Variants in CCDC146 observed in about 807,000 individuals in gnomAD.
CCDC146 encodes the protein coiled-coil domain containing 146.
CCDC146 carries 92 observed loss-of-function variants against 119.3 expected under a neutral mutation model. The ratio of observed to expected loss-of-function variants is 0.77; its 90% CI spans 0.65 to 0.92. CCDC146 has a LOEUF of 0.92. CCDC146 is among the 40% of genes least tolerant of loss of function. The probability of loss-of-function intolerance (pLI) is 0.00; values close to 1 mark genes in which losing one functional copy is unlikely to be tolerated. For missense variants in CCDC146, 1,000 were observed against 1,103.0 expected (o/e 0.91, Z 1.32); for synonymous variants, 372 against 371.8 (o/e 1.00, Z -0.01).
At chr7:77,192,562 AGAAG>A (rs1185055944) in intron 2 of CCDC146, among the ~76,000 whole-genome samples, 5 of 152,258 alleles carry the variant, frequency 3.3e-5, no homozygotes, top group Non-Finnish European at 7.3e-5. Flanking sequence ...TTAGTATGGC[AGAAG>A]TATAAGTAGT....
chr7:77,288,346 T>A (rs557569774), intron 17 of CCDC146, among the ~76,000 whole-genome samples: 8 of 152,348 alleles, frequency 5.3e-5, no homozygotes, highest in Admixed American at 2.0e-4. Flanking sequence ...TTATTTTGGC[T>A]CATGGTTCTG....
chr7:77,210,859 AC>A (rs775666225), intron 2 of CCDC146, among the ~76,000 whole-genome samples: 3 of 152,056 alleles, frequency 2.0e-5, no homozygotes, highest in Non-Finnish European at 4.4e-5. Context: ...GGGAGGTGCT[AC>A]ACACTTCCAA....
Position 77,287,538 on chromosome 7 carries a change from T to G in CCDC146, c.2376T>G (p.Thr792=). The G allele has an allele frequency of 6.2e-7, 1 of 1,613,944 alleles. No individual in the cohort carries two copies. Among genetic ancestry groups the G allele is most frequent in the Non-Finnish European group, 8.5e-7 (1 of 1,179,988 alleles). The change falls in exon 17 of 19, where the codon ACT becomes ACG. Residue 792 remains threonine (T), a synonymous_variant. Transcript: ENST00000285871. The stretch of plus-strand genomic sequence containing the variant: ...TCACAGACAGGCTCTGCAGCAAAAC[T>G]CAGGGCTGCAAGCAGGACACACTGC... ...SRLTDRLCSK[T]QGCKQDTLLL...
At chr7:77,130,597 C>CTTTTT (rs34309739) in intron 1 of CCDC146, among the ~76,000 whole-genome samples, 9 of 125,738 alleles carry the variant, frequency 7.2e-5, no homozygotes, top group South Asian at 2.5e-4. Context: ...TCCTTTCTTT[C>CTTTTT]TTTTTTTTTT....
At chr7:77,162,391 A>G (rs1299539536) in intron 1 of CCDC146, among the ~76,000 whole-genome samples, 1 of 152,214 alleles carries the variant, frequency 6.6e-6, no homozygotes, top group Non-Finnish European at 1.5e-5. Flanking sequence ...AACACCCTGT[A>G]TTGAAGAATC....
chr7:77,146,058 T>G (rs1300184260), intron 1 of CCDC146, among the ~76,000 whole-genome samples: 4 of 151,840 alleles, frequency 2.6e-5, no homozygotes, highest in African/African-American at 9.7e-5. Context: ...AGTCTAGGTC[T>G]CTTTGTAGGT....
At chr7:77,292,301 ATTTTT>A (rs35258178) in intron 17 of CCDC146, among the ~76,000 whole-genome samples, 1 of 132,664 alleles carries the variant, frequency 7.5e-6, no homozygotes, top group African/African-American at 2.9e-5. Flanking sequence ...CTTTATTTTA[ATTTTT>A]TTTTTTTTTT....
At chr7:77,186,280 C>T (rs1001156994) in intron 2 of CCDC146, among the ~76,000 whole-genome samples, 4 of 151,966 alleles carry the variant, frequency 2.6e-5, no homozygotes, top group African/African-American at 7.3e-5. Flanking sequence ...AAATGTAGTA[C>T]ATACACACTA....
chr7:77,187,066 T>G (rs1479476699), intron 2 of CCDC146, among the ~76,000 whole-genome samples: 1 of 152,188 alleles, frequency 6.6e-6, no homozygotes, highest in Non-Finnish European at 1.5e-5. Context: ...AAGTATGGAG[T>G]CCTTCTCAGG....
chr7:77,134,372 A>G (rs1790830770), intron 1 of CCDC146, among the ~76,000 whole-genome samples: 1 of 152,250 alleles, frequency 6.6e-6, no homozygotes, highest in Admixed American at 6.5e-5. Flanking sequence ...CACAAAACAG[A>G]AAAAGAGTGG....
rs755256593 is a variant in CCDC146, at chr7:77,295,013, T to A, written c.*147T>A. On this transcript the variant is annotated 3_prime_UTR_variant, in exon 19 of 19. Transcript: ENST00000285871. The stretch of plus-strand genomic sequence containing the variant: ...GTCAGCAACAGAGTACAACAGGGTT[T>A]CTATTTACCCACCAACTACTATACC... 1 of 645,440 alleles carries A rather than the reference T, an allele frequency of 1.5e-6. No individual in the cohort carries two copies. The highest frequency in any genetic ancestry group is 2.6e-6 in the Non-Finnish European group (1 of 377,406). The allele number at this position is 645,440 out of a possible 1,614,324, so 40.0% of individuals were successfully genotyped here.
At chr7:77,177,400 C>T (rs1861020) in intron 2 of CCDC146, among the ~76,000 whole-genome samples, 1 of 152,230 alleles carries the variant, frequency 6.6e-6, no homozygotes, top group African/African-American at 2.4e-5. Context: ...CTTTTCAGAA[C>T]GATTCTGTAA....
chr7:77,279,101 G>A lies in CCDC146; in HGVS notation c.1694G>A (p.Arg565Lys). The change falls in exon 13 of 19, where the codon AGA (arginine) becomes AAA (lysine). Residue 565 changes from arginine (R) to lysine (K), a missense_variant and splice_region_variant. Around this residue, in one of 2 missense-constraint regions of CCDC146, gnomAD observed 985 missense variants for 1,045.3 expected, o/e 0.94. Coordinates refer to ENST00000285871, the MANE Select transcript of CCDC146 (RefSeq NM_020879.3). ...ILRNSAVSQE[R>K]KLQNSMLKHA... Reference sequence around the variant, plus strand: ...AGAAATAGTGCCGTTAGTCAAGAAAGGTAAGTGTTATAATAACTATTGGCC... The same window carrying A: ...AGAAATAGTGCCGTTAGTCAAGAAAAGTAAGTGTTATAATAACTATTGGCC... 6.2e-7 allele frequency: 1 copy of A among 1,609,934 alleles called. No individual in the cohort carries two copies. Among genetic ancestry groups the A allele is most frequent in the Non-Finnish European group, 8.5e-7 (1 of 1,178,548 alleles).
intron 9 of CCDC146, among the ~76,000 whole-genome samples, chr7:77,266,049 T>A (rs927428771): frequency 1.3e-5 from 2 of 152,210 alleles, no homozygotes; most frequent in African/African-American, 4.8e-5. Flanking sequence ...ACATGGCTCT[T>A]ATTGACTTCC....
chr7:77,256,539 T>C (rs766503866), intron 6 of CCDC146, 30 bp downstream of exon 6: 1 of 1,563,152 alleles, frequency 6.4e-7, no homozygotes, highest in Admixed American at 2.0e-5. Context: ...TATTTAAACA[T>C]TGTGCCTTGC....
At chr7:77,233,445 T>C (rs1385468855) in intron 2 of CCDC146, among the ~76,000 whole-genome samples, 2 of 152,088 alleles carry the variant, frequency 1.3e-5, no homozygotes, top group South Asian at 2.1e-4. Flanking sequence ...TCCCACCATT[T>C]TGGAAGTCCC....
intron 2 of CCDC146, among the ~76,000 whole-genome samples, chr7:77,206,403 G>C (rs1394156018): frequency 6.6e-6 from 1 of 152,070 alleles, no homozygotes; most frequent in East Asian, 1.9e-4. Context: ...GATCACTTGA[G>C]GTCAGGAGTT....
intron 4 of CCDC146, among the ~76,000 whole-genome samples, chr7:77,249,466 G>A (rs544555414): frequency 9.9e-4 from 136 of 137,982 alleles, no homozygotes; most frequent in Non-Finnish European, 1.6e-3. Context: ...CCAGCCTGGC[G>A]ACAGATTGAG....
At chr7:77,225,766 A>G (rs1383974902) in intron 2 of CCDC146, among the ~76,000 whole-genome samples, 1 of 152,050 alleles carries the variant, frequency 6.6e-6, no homozygotes, top group Non-Finnish European at 1.5e-5. Context: ...AGCATGGTGA[A>G]ACCCCGTCTC....
Sources: gnomAD v4.1 joint callset for allele counts (sites outside exome capture counted in the v4.1 genomes callset) on GRCh38, gnomAD v4.1.1 for gene constraint, gnomAD v4.1.1 regional missense constraint, MANE v1.5 for transcripts, NCBI Gene and HGNC (gene_info 2026-07-23, HGNC 2026-07-21) for gene names.